KCTD9: variants seen among roughly 807,000 people sequenced by gnomAD.
KCTD9 encodes the protein BTB/POZ domain-containing protein KCTD9.
A neutral mutation model predicts 53.3 loss-of-function variants in KCTD9; 17 were observed. The ratio of observed to expected loss-of-function variants is 0.32; its 90% CI spans 0.22 to 0.48. The LOEUF is 0.48. Ranked by LOEUF, KCTD9 falls within the 20% of genes least tolerant of loss-of-function variation. The pLI is 0.99. For synonymous variants in KCTD9, 128 were observed against 162.7 expected (o/e 0.79, Z 1.62); for missense variants, 179 against 465.5 (o/e 0.38, Z 5.66).
At chr8:25,433,560 T>G in intron 9 of KCTD9, 125 bp from the exon 10 acceptor site, 1 of 450,454 alleles carries the variant, frequency 2.2e-6, no homozygotes, top group East Asian at 3.4e-5. Flanking sequence ...TACTCAATTT[T>G]ATTTTCTGTT....
intron 8 of KCTD9, 25 bp downstream of exon 8, chr8:25,436,194 TTTGCTGATAGAAATAA>T: frequency 8.3e-7 from 1 of 1,205,276 alleles, no homozygotes; most frequent in Non-Finnish European, 1.2e-6. Flanking sequence ...TATTCATAGA[TTTGCTGATAGAAATAA>T]TTGATGTAAA....
intron 3 of KCTD9, among the ~76,000 whole-genome samples, chr8:25,441,418 A>G (rs1297990791): frequency 1.3e-5 from 2 of 152,166 alleles, no homozygotes; most frequent in Admixed American, 6.5e-5. Flanking sequence ...TAAAATAATA[A>G]TTGTCCTTAT....
chr8:25,450,355 G>A (rs1193563285), intron 1 of KCTD9: 3 of 985,036 alleles, frequency 3.0e-6, no homozygotes, highest in East Asian at 1.1e-4. Flanking sequence ...ACTAATAACC[G>A]CCATAGGTTC....
In KCTD9 at chr8:25,440,627, G is replaced by A. The variant is rs769018308; in HGVS notation, c.261C>T (p.His87=). The change falls in exon 4 of 12, where the codon CAC becomes CAT. Residue 87 remains histidine, a synonymous_variant. Coordinates refer to ENST00000221200, the MANE Select transcript of KCTD9 (RefSeq NM_017634.4). ...SKPPEGLLGF[H]TDWLTLNVGG... The stretch of plus-strand genomic sequence containing the variant: ...CAACATTTAATGTCAGCCAGTCTGT[G>A]TGGAATCCTAACAATCCCTCAGGAG... The A allele has an allele frequency of 2.1e-5, 34 of 1,612,730 alleles. No homozygotes were observed. The East Asian group carries it at 7.4e-4, about 35-fold the overall frequency.
At chr8:25,432,713 T>C in intron 10 of KCTD9, 76 bp from the exon 11 acceptor site, 3 of 1,294,016 alleles carry the variant, frequency 2.3e-6, no homozygotes, top group Non-Finnish European at 2.1e-6. Context: ...GCAAGATGAC[T>C]TAATGGAGGC....
intron 10 of KCTD9, among the ~76,000 whole-genome samples, 160 bp downstream of exon 10, chr8:25,433,170 T>C (rs1801960108): frequency 6.6e-6 from 1 of 152,222 alleles, no homozygotes; most frequent in African/African-American, 2.4e-5. Flanking sequence ...TGAAACCAAA[T>C]GGAGGTTTCT....
chr8:25,451,290 A>AG (rs545264409), intron 1 of KCTD9, among the ~76,000 whole-genome samples: 176 of 152,302 alleles, frequency 1.2e-3, no homozygotes, highest in African/African-American at 4.1e-3. Context: ...AGTTACGGAG[A>AG]AAGTTGCAAA....
At position 25,436,243 on chromosome 8, in the gene KCTD9, G is replaced by A. The variant is rs749186770; in HGVS notation, c.655C>T (p.Arg219Ter). ...LLATPTKSELRCQGLNFSGAD... is the reference protein window; with the variant it reads ...LLATPTKSEL Reference sequence around the variant, plus strand: ...AAAAGCCTGCTAATTACCTGGCATCGCAGTTCTGACTTGGTTGGAGTTGCT... The same window carrying A: ...AAAAGCCTGCTAATTACCTGGCATCACAGTTCTGACTTGGTTGGAGTTGCT... Residue 219 changes from arginine (R) to a stop codon, truncating the protein, a stop_gained, in exon 8 of 12, where the codon CGA (arginine) becomes TGA (stop). Transcript: ENST00000221200. LOFTEE classifies it high-confidence loss of function. 3 of 1,588,682 alleles carry A rather than the reference G, an allele frequency of 1.9e-6. No individual in the cohort carries two copies. The highest frequency in any genetic ancestry group is 1.3e-5 in the African/African-American group (1 of 74,340).
chr8:25,458,383 A>G lies in KCTD9; in HGVS notation c.-137T>C. ...CTTCGCCACCTTCCTGCCCTTGGGG[A>G]CACACCACACGCACGCACTCTGTCC... On this transcript the variant is annotated 5_prime_UTR_variant, in exon 1 of 12. Transcript: ENST00000221200. The G allele has an allele frequency of 1.1e-6, 1 of 928,066 alleles. No individual in the cohort carries two copies. The highest frequency in any genetic ancestry group is 1.7e-6 in the Non-Finnish European group (1 of 593,936). The allele number at this position is 928,066 out of a possible 1,614,324, so 57.5% of individuals were successfully genotyped here. A position where few individuals can be genotyped will look rare whatever the true frequency, so the allele number is the denominator to read the frequency against.
chr8:25,431,962 G>T (rs1205481661), intron 11 of KCTD9, among the ~76,000 whole-genome samples: 1 of 152,126 alleles, frequency 6.6e-6, no homozygotes, highest in Non-Finnish European at 1.5e-5. Context: ...CTATATATGG[G>T]TGGTAGCTAC....
intron 1 of KCTD9, among the ~76,000 whole-genome samples, chr8:25,448,165 GAAAGAA>G (rs1181078932): frequency 1.3e-5 from 2 of 151,680 alleles, no homozygotes; most frequent in African/African-American, 2.4e-5. Flanking sequence ...GAAAGGAAAG[GAAAGAA>G]TAAAGAAAAA....
chr8:25,445,701 T>G (rs886359366), intron 2 of KCTD9, among the ~76,000 whole-genome samples: 2 of 152,156 alleles, frequency 1.3e-5, no homozygotes, highest in African/African-American at 4.8e-5. Flanking sequence ...ATATCACTAC[T>G]TAGAATTCTA....
At chr8:25,440,216 G>A (rs1156421776) in intron 4 of KCTD9, among the ~76,000 whole-genome samples, 2 of 151,234 alleles carry the variant, frequency 1.3e-5, no homozygotes, top group East Asian at 1.9e-4. Flanking sequence ...CCGCCACTAC[G>A]CCCGGCTAAT....
At chr8:25,444,499 ACTTAACTGT>A (rs1454158550) in intron 2 of KCTD9, among the ~76,000 whole-genome samples, 164 bp from the exon 3 acceptor site, 15 of 152,120 alleles carry the variant, frequency 9.9e-5, no homozygotes, top group Non-Finnish European at 1.8e-4. Flanking sequence ...AACCCCTTGA[ACTTAACTGT>A]CTTTGAATTT....
At chr8:25,440,784 G>C in intron 3 of KCTD9, 111 bp from the exon 4 acceptor site, 1 of 735,896 alleles carries the variant, frequency 1.4e-6, no homozygotes, top group Non-Finnish European at 2.4e-6. Context: ...GCATACCAGA[G>C]CTACTAGGAC....
Position 25,429,599 on chromosome 8 carries a change from C to T in KCTD9, c.*258G>A, listed in dbSNP as rs914849930. On this transcript the variant is annotated 3_prime_UTR_variant, in exon 12 of 12. Coordinates refer to ENST00000221200, the MANE Select transcript of KCTD9 (RefSeq NM_017634.4). ...CTGGTCATAAAACCAGGTAAACCCC[C>T]CTACCCCATTCAAAAGGCAGCAATA... 3 of 348,110 alleles carry T rather than the reference C, an allele frequency of 8.6e-6. No homozygotes were observed. Among genetic ancestry groups the T allele is most frequent in the Non-Finnish European group, 1.6e-5 (3 of 182,874 alleles). 21.6% of individuals were successfully genotyped at this position (348,110 alleles called of 1,614,324 possible). A position where few individuals can be genotyped will look rare whatever the true frequency, so the allele number is the denominator to read the frequency against.
intron 4 of KCTD9, among the ~76,000 whole-genome samples, chr8:25,440,372 A>C (rs1181927513): frequency 1.3e-5 from 2 of 152,200 alleles, no homozygotes; most frequent in Admixed American, 6.5e-5. Flanking sequence ...GCATGTTCTA[A>C]AACACTGAAG....
intron 1 of KCTD9, among the ~76,000 whole-genome samples, chr8:25,452,996 G>A (rs796318654): frequency 4.6e-5 from 7 of 152,198 alleles, no homozygotes; most frequent in African/African-American, 1.7e-4. Flanking sequence ...GGAAGACATT[G>A]TCTCCACAAA....
chr8:25,456,223 G>A (rs1802431377), intron 1 of KCTD9, among the ~76,000 whole-genome samples: 1 of 152,206 alleles, frequency 6.6e-6, no homozygotes, highest in Non-Finnish European at 1.5e-5. Context: ...GGAAACAAAA[G>A]CAGAAGCGAG....
Sources: gnomAD v4.1 joint callset for allele counts (sites outside exome capture counted in the v4.1 genomes callset) on GRCh38, gnomAD v4.1.1 for gene constraint, MANE v1.5 for transcripts, NCBI Gene and HGNC (gene_info 2026-07-23, HGNC 2026-07-21) for gene names.